The following RNF144A variants were observed in gnomAD, a reference collection of about 807,000 sequenced individuals.
The protein encoded by RNF144A is E3 ubiquitin-protein ligase RNF144A.
In RNF144A, 11 loss-of-function variants were observed where a neutral mutation model predicts 38.7. The ratio of observed to expected loss-of-function variants is 0.28; its 90% CI spans 0.18 to 0.47. The LOEUF is 0.47. RNF144A is among the 20% of genes least tolerant of loss of function. The pLI, the probability that RNF144A is intolerant of heterozygous loss-of-function variation, is 0.99. For synonymous variants in RNF144A, 149 were observed against 143.9 expected (o/e 1.04, Z -0.25); for missense variants, 316 against 377.2 (o/e 0.84, Z 1.34).
intron 6 of RNF144A, among the ~76,000 whole-genome samples, chr2:7,064,758 T>C (rs1366458818): frequency 6.6e-6 from 1 of 152,232 alleles, no homozygotes; most frequent in Non-Finnish European, 1.5e-5. Flanking sequence ...AGGTGGTATT[T>C]GAGCTTCGCC....
At chr2:6,990,292 T>A (rs1669246449) in intron 2 of RNF144A, among the ~76,000 whole-genome samples, 1 of 151,810 alleles carries the variant, frequency 6.6e-6, no homozygotes, top group African/African-American at 2.4e-5. Flanking sequence ...GTCCTCTTCT[T>A]GTAACTCCAG....
At chr2:6,992,105 C>CGGT (rs771054084) in intron 2 of RNF144A, among the ~76,000 whole-genome samples, 129 of 152,284 alleles carry the variant, frequency 8.5e-4, no homozygotes, top group Admixed American at 9.8e-4. Context: ...TGTTGAAGAA[C>CGGT]GGTGCACTTG....
At chr2:6,924,643 G>A (rs1307045446) in intron 1 of RNF144A, among the ~76,000 whole-genome samples, 2 of 152,248 alleles carry the variant, frequency 1.3e-5, no homozygotes, top group Admixed American at 6.5e-5. Flanking sequence ...TCTCCCTTCC[G>A]AGTGCGGGCC....
chr2:6,980,577 C>T lies in RNF144A; in HGVS notation c.-11-16339C>T, dbSNP rs192046566. On this transcript the variant is annotated intron_variant, in intron 2 of 8. Coordinates refer to ENST00000320892, the MANE Select transcript of RNF144A (RefSeq NM_014746.6). The stretch of plus-strand genomic sequence containing the variant: ...TGGTGATGCAAGGGGTAGGCTCTCA[C>T]GGCCTTGGGCAGCTCTGCCTCTGTG... Among the ~76,000 whole-genome samples, 210 of 152,376 alleles carry T rather than the reference C, an allele frequency of 1.4e-3. 1 individual carries two copies. The highest frequency in any genetic ancestry group is 4.4e-3 in the African/African-American group (182 of 41,604).
intron 6 of RNF144A, among the ~76,000 whole-genome samples, chr2:7,056,881 G>C (rs888181180): frequency 6.6e-5 from 10 of 152,130 alleles, no homozygotes; most frequent in African/African-American, 2.2e-4. Context: ...TTAAATATGT[G>C]CACCAAAAAC....
chr2:6,965,270 C>G (rs188319813), intron 2 of RNF144A, among the ~76,000 whole-genome samples: 1 of 152,142 alleles, frequency 6.6e-6, no homozygotes, highest in Non-Finnish European at 1.5e-5. Flanking sequence ...AAATAGGACA[C>G]GATCTCAGCT....
intron 1 of RNF144A, among the ~76,000 whole-genome samples, chr2:6,927,218 G>A (rs908210898): frequency 6.6e-6 from 1 of 152,320 alleles, no homozygotes; most frequent in African/African-American, 2.4e-5. Flanking sequence ...AACTGTGAAA[G>A]CCTGAGTAAG....
At chr2:6,983,453 C>T (rs1395013277) in intron 2 of RNF144A, among the ~76,000 whole-genome samples, 4 of 152,252 alleles carry the variant, frequency 2.6e-5, no homozygotes, top group Admixed American at 6.5e-5. Context: ...CATCACGCCT[C>T]TGGCCATCGT....
At chr2:6,954,888 T>C (rs146014749) in intron 2 of RNF144A, among the ~76,000 whole-genome samples, 204 of 152,378 alleles carry the variant, frequency 1.3e-3, no homozygotes, top group African/African-American at 4.5e-3. Context: ...CATTCTATAA[T>C]GTTTTAAACC....
intron 1 of RNF144A, among the ~76,000 whole-genome samples, chr2:6,937,177 T>G (rs951996980): frequency 4.6e-4 from 70 of 152,196 alleles, no homozygotes; most frequent in Non-Finnish European, 8.2e-4. Flanking sequence ...GAACAATTCT[T>G]GATACCTGGG....
At position 7,020,850 on chromosome 2, in the gene RNF144A, A is replaced by G. The variant is rs113873774; in HGVS notation, c.509+170A>G. On this transcript the variant is annotated intron_variant, in intron 6 of 8. Coordinates refer to ENST00000320892, the MANE Select transcript of RNF144A (RefSeq NM_014746.6). ...CAAGCCTGTCATTATTTGTATGTCT[A>G]TTTATTTTTGAGAACTGACTATGTA... 3.9e-5 allele frequency: 24 copies of G among 623,052 alleles called. 1 individual carries two copies. The highest frequency in any genetic ancestry group is 2.8e-4 in the African/African-American group (15 of 54,428). The allele number at this position is 623,052 out of a possible 1,614,324, so 38.6% of individuals were successfully genotyped here.
chr2:6,968,516 T>C (rs567836012), intron 2 of RNF144A, among the ~76,000 whole-genome samples: 39 of 152,332 alleles, frequency 2.6e-4, no homozygotes, highest in African/African-American at 9.1e-4. Context: ...AAATGTGTTC[T>C]TGTGGCTGCA....
At chr2:6,972,124 A>G (rs1015192276) in intron 2 of RNF144A, among the ~76,000 whole-genome samples, 5 of 152,068 alleles carry the variant, frequency 3.3e-5, no homozygotes, top group African/African-American at 1.2e-4. Context: ...AAACCCACCC[A>G]TTTCCCTTGA....
chr2:6,919,275 G>A (rs559997089), intron 1 of RNF144A, among the ~76,000 whole-genome samples: 2 of 152,322 alleles, frequency 1.3e-5, no homozygotes, highest in African/African-American at 4.8e-5. Context: ...GTGTGACACC[G>A]TGAACTTTCC....
At chr2:6,920,049 C>G (rs765182930) in intron 1 of RNF144A, among the ~76,000 whole-genome samples, 4 of 152,200 alleles carry the variant, frequency 2.6e-5, no homozygotes, top group African/African-American at 9.7e-5. Context: ...TTGAAGGGAC[C>G]TCACACTGTT....
chr2:6,998,172 CAA>C (rs34548361), intron 3 of RNF144A, among the ~76,000 whole-genome samples: 1 of 145,828 alleles, frequency 6.9e-6, no homozygotes. Flanking sequence ...AAACTGTCTT[CAA>C]AAAAAAAAAA....
chr2:6,938,698 C>T (rs936553279), intron 1 of RNF144A, among the ~76,000 whole-genome samples: 2 of 152,134 alleles, frequency 1.3e-5, no homozygotes, highest in African/African-American at 4.8e-5. Context: ...TTTCAGTACC[C>T]TCCAAAAATC....
intron 6 of RNF144A, among the ~76,000 whole-genome samples, chr2:7,056,317 G>T (rs1238100895): frequency 1.6e-4 from 24 of 152,084 alleles, no homozygotes. Context: ...TGCCCTCTGT[G>T]CTTCCCTTAC....
chr2:6,933,352 T>C (rs1197994229), intron 1 of RNF144A: 1 of 152,238 alleles, frequency 6.6e-6, no homozygotes, highest in Non-Finnish European at 1.5e-5. Flanking sequence ...GAGCCTCTAC[T>C]AACTTGGATT....
Sources: allele counts gnomAD v4.1 joint callset (sites outside exome capture counted in the v4.1 genomes callset), GRCh38; gene constraint gnomAD v4.1.1; transcripts MANE v1.5; gene names NCBI Gene and HGNC (gene_info 2026-07-23, HGNC 2026-07-21).